Variants in PDPR observed in about 807,000 individuals in gnomAD.
PDPR encodes pyruvate dehydrogenase phosphatase regulatory subunit, also known as pyruvate dehydrogenase phosphatase regulatory subunit, mitochondrial.
A neutral mutation model predicts 102.2 loss-of-function variants in PDPR; 50 were observed. The ratio of observed to expected loss-of-function variants is 0.49; its 90% CI spans 0.39 to 0.62. PDPR has a LOEUF of 0.62. Among genes scored for constraint, PDPR ranks in the 20% least tolerant of loss-of-function variants. PDPR has a pLI of 0.00. For synonymous variants in PDPR, 259 were observed against 406.0 expected, an observed-to-expected ratio of 0.64 and a Z score of 4.35; for missense variants, 625 against 1,098.2, an observed-to-expected ratio of 0.57 and a Z score of 6.09.
intron 9 of PDPR, among the ~76,000 whole-genome samples, chr16:70,134,772 C>T (rs1362636392): frequency 2.4e-4 from 33 of 138,260 alleles, no homozygotes; most frequent in African/African-American, 8.8e-4. Context: ...GGTGACAGAG[C>T]GAGACTCCAT....
At chr16:70,134,113 T>C (rs1255717293) in intron 9 of PDPR, among the ~76,000 whole-genome samples, 2 of 152,286 alleles carry the variant, frequency 1.3e-5, no homozygotes, top group Non-Finnish European at 2.9e-5. Context: ...GGACTTCATA[T>C]AAAATTGAAG....
intron 13 of PDPR, among the ~76,000 whole-genome samples, chr16:70,143,187 CAAAA>C (rs375737516): frequency 7.0e-6 from 1 of 143,176 alleles, no homozygotes; most frequent in South Asian, 2.2e-4. Flanking sequence ...GACTCCATCT[CAAAA>C]AAAAAAACAA....
At chr16:70,115,447 C>G (rs184112201) in intron 2 of PDPR, among the ~76,000 whole-genome samples, 2 of 152,178 alleles carry the variant, frequency 1.3e-5, no homozygotes, top group Non-Finnish European at 1.5e-5. Flanking sequence ...CTTAAACTTG[C>G]GTGATCACCT....
At chr16:70,148,907 T>C (rs559683810) in intron 17 of PDPR, among the ~76,000 whole-genome samples, 121 of 152,304 alleles carry the variant, frequency 7.9e-4, no homozygotes, top group Middle Eastern at 6.8e-3. Flanking sequence ...ATTTTTTTTT[T>C]TTTTTGAGAC....
At chr16:70,154,207 A>C (rs1273413713) in intron 18 of PDPR, among the ~76,000 whole-genome samples, 1 of 152,254 alleles carries the variant, frequency 6.6e-6, no homozygotes, top group Non-Finnish European at 1.5e-5. Context: ...CAGCACCTGT[A>C]GTTCCAGCTA....
intron 2 of PDPR, among the ~76,000 whole-genome samples, chr16:70,116,859 T>G (rs1962698836): frequency 6.6e-6 from 1 of 152,112 alleles, no homozygotes; most frequent in South Asian, 2.1e-4. Context: ...TTTTTTTTAA[T>G]TCCACCTTAA....
chr16:70,147,460 C>G (rs1465440421), intron 16 of PDPR: 1 of 374,602 alleles, frequency 2.7e-6, no homozygotes, highest in Non-Finnish European at 5.2e-6. Flanking sequence ...CACAGAGTAA[C>G]TTCTGTGTCT....
rs1442314638 is a variant in PDPR, at chr16:70,158,998, A to T, written c.*2119A>T. The T allele has an allele frequency of 3.9e-5, 6 of 152,388 alleles. No individual in the cohort carries two copies. The highest frequency in any genetic ancestry group is 1.2e-4 in the African/African-American group (5 of 41,486). The allele number at this position is 152,388 out of a possible 1,614,324, so 9.4% of individuals were successfully genotyped here. On this transcript the variant is annotated 3_prime_UTR_variant, in exon 19 of 19. Coordinates refer to ENST00000288050, the MANE Select transcript of PDPR (RefSeq NM_017990.5). Reference sequence around the variant, plus strand: ...AATACATTTGTGCTTTAACTGTTACATAGCAGTATCACCACTTACCAGGAT... The same window carrying T: ...AATACATTTGTGCTTTAACTGTTACTTAGCAGTATCACCACTTACCAGGAT...
In PDPR at chr16:70,161,895, TGTCA is replaced by T. The variant is rs1248544969; in HGVS notation, c.*5017_*5020del. On this transcript the variant is annotated 3_prime_UTR_variant, in exon 19 of 19. Transcript: ENST00000288050. ...TCTTCTGCCTTCTTATTTTCCTGTC[TGTCA>T]AAGACAGAAATTACAGGAGATAGGG... The T allele has an allele frequency of 6.6e-5, 10 of 152,500 alleles. No homozygotes were observed. The highest frequency in any genetic ancestry group is 1.5e-4 in the Non-Finnish European group (10 of 68,068). 9.4% of individuals were successfully genotyped at this position (152,500 alleles called of 1,614,324 possible). A position where few individuals can be genotyped will look rare whatever the true frequency, so the allele number is the denominator to read the frequency against.
At chr16:70,154,487 A>C (rs1966892700) in intron 18 of PDPR, among the ~76,000 whole-genome samples, 1 of 151,874 alleles carries the variant, frequency 6.6e-6, no homozygotes, top group Non-Finnish European at 1.5e-5. Context: ...AAAAACAAAC[A>C]AAAAAACCCA....
chr16:70,114,618 C>T (rs1293784388), intron 1 of PDPR, among the ~76,000 whole-genome samples, 178 bp downstream of exon 1: 1 of 152,246 alleles, frequency 6.6e-6, no homozygotes, highest in Non-Finnish European at 1.5e-5. Flanking sequence ...CGCCAGTACT[C>T]GTCCCCGTAA....
chr16:70,126,647 G>A (rs1366351192), intron 3 of PDPR, among the ~76,000 whole-genome samples: 1 of 152,274 alleles, frequency 6.6e-6, no homozygotes, highest in Non-Finnish European at 1.5e-5. Flanking sequence ...ACAGGCGTGA[G>A]CCACCGCACT....
chr16:70,116,316 A>G (rs1297067715), intron 2 of PDPR, among the ~76,000 whole-genome samples: 1 of 133,508 alleles, frequency 7.5e-6, no homozygotes, highest in East Asian at 2.1e-4. Context: ...ACCTCAAATA[A>G]TCCACCCACC....
At chr16:70,152,444 G>A (rs552737847) in intron 17 of PDPR, among the ~76,000 whole-genome samples, 170 of 152,354 alleles carry the variant, frequency 1.1e-3, no homozygotes, top group African/African-American at 3.5e-3. Flanking sequence ...ACTTGAACCC[G>A]GGAGTGGAGA....
Position 70,157,338 on chromosome 16 carries a change from T to C in PDPR, c.*459T>C. 2.6e-6 allele frequency: 1 copy of C among 384,552 alleles called. No individual in the cohort carries two copies. Among genetic ancestry groups the C allele is most frequent in the Non-Finnish European group, 5.1e-6 (1 of 195,520 alleles). The allele number at this position is 384,552 out of a possible 1,614,324, so 23.8% of individuals were successfully genotyped here. The stretch of plus-strand genomic sequence containing the variant: ...GGTTGCCGTGTGTCGGATGCAGCCC[T>C]GAGGGGCAGCTCGTGCCTGCAGCCC... On this transcript the variant is annotated 3_prime_UTR_variant, in exon 19 of 19. Coordinates refer to ENST00000288050, the MANE Select transcript of PDPR (RefSeq NM_017990.5).
chr16:70,138,011 T>G (rs1490886653), intron 10 of PDPR, among the ~76,000 whole-genome samples: 2 of 151,468 alleles, frequency 1.3e-5, no homozygotes, highest in African/African-American at 4.9e-5. Flanking sequence ...TAGAACTAAC[T>G]GCAGGCGTGT....
chr16:70,150,704 G>A (rs1339721113), intron 17 of PDPR, among the ~76,000 whole-genome samples: 3 of 152,098 alleles, frequency 2.0e-5, no homozygotes, highest in Non-Finnish European at 2.9e-5. Flanking sequence ...TAGAGGCAGG[G>A]TCTTGCTATG....
Position 70,153,487 on chromosome 16 carries a change from A to C in PDPR, c.2149A>C (p.Lys717Gln). ...YYALRSLRIE[K>Q]FFAFWGQDIN... Reference sequence around the variant, plus strand: ...CGCTCTTCGCAGTCTCCGAATTGAGAAGTTTTTTGCCTTCTGGGGTCAGGA... The same window carrying C: ...CGCTCTTCGCAGTCTCCGAATTGAGCAGTTTTTTGCCTTCTGGGGTCAGGA... The change falls in exon 18 of 19, where the codon AAG becomes CAG. Residue 717 changes from lysine (K) to glutamine (Q), a missense_variant. Around this residue, in one of 11 missense-constraint regions of PDPR, gnomAD observed 303 missense variants for 258.9 expected, o/e 1.17. Coordinates refer to ENST00000288050, the MANE Select transcript of PDPR (RefSeq NM_017990.5). 1 of 1,613,428 alleles carries C rather than the reference A, an allele frequency of 6.2e-7. No individual in the cohort carries two copies. The highest frequency in any genetic ancestry group is 8.5e-7 in the Non-Finnish European group (1 of 1,179,702).
chr16:70,140,756 A>C (rs1224396308), intron 11 of PDPR, among the ~76,000 whole-genome samples: 2 of 152,228 alleles, frequency 1.3e-5, no homozygotes, highest in Non-Finnish European at 2.9e-5. Context: ...TGGAGGTTGC[A>C]GTGAGCCAAG....
Sources: gnomAD v4.1 joint callset for allele counts (sites outside exome capture counted in the v4.1 genomes callset) on GRCh38, gnomAD v4.1.1 for gene constraint, gnomAD v4.1.1 regional missense constraint, MANE v1.5 for transcripts, NCBI Gene and HGNC (gene_info 2026-07-23, HGNC 2026-07-21) for gene names.